Variants in SMYD3 observed in about 807,000 individuals in gnomAD.
SMYD3 encodes the protein histone-lysine N-methyltransferase SMYD3.
In SMYD3, 36 loss-of-function variants were observed where a neutral mutation model predicts 57.7. The ratio of observed to expected loss-of-function variants is 0.62; its 90% CI spans 0.48 to 0.82. SMYD3 has a LOEUF of 0.82. SMYD3 is among the 40% of genes least tolerant of loss of function. The probability of loss-of-function intolerance (pLI) is 0.00; values close to 1 mark genes in which losing one functional copy is unlikely to be tolerated. For missense variants in SMYD3, 515 were observed against 538.8 expected (o/e 0.96, Z 0.44); for synonymous variants, 211 against 195.0 (o/e 1.08, Z -0.68).
chr1:245,882,087 C>T (rs900198182), intron 8 of SMYD3, among the ~76,000 whole-genome samples: 1 of 152,162 alleles, frequency 6.6e-6, no homozygotes, highest in Non-Finnish European at 1.5e-5. Flanking sequence ...AACTAAATTC[C>T]AAGACAACAG....
At chr1:245,999,062 T>C (rs1420618974) in intron 5 of SMYD3, among the ~76,000 whole-genome samples, 2 of 151,880 alleles carry the variant, frequency 1.3e-5, no homozygotes, top group Admixed American at 6.6e-5. Context: ...AACTTAGAAA[T>C]AGATATGGTG....
intron 10 of SMYD3, among the ~76,000 whole-genome samples, chr1:245,772,545 C>T (rs1294499789): frequency 1.3e-5 from 2 of 152,070 alleles, no homozygotes; most frequent in Non-Finnish European, 2.9e-5. Flanking sequence ...CAGCTGTGGT[C>T]CCAGCTGCTT....
In SMYD3 at chr1:245,861,730, C is replaced by T. The variant is rs941266085; in HGVS notation, c.901+2069G>A. On this transcript the variant is annotated intron_variant, in intron 9 of 11. Transcript: ENST00000490107. ...CTCCCAGACGCAGCTCACTGGTCAC[C>T]TCCTCTGTGAAATCTTTCAACTTCC... 2.6e-5 allele frequency among the ~76,000 whole-genome samples: 4 copies of T among 152,220 alleles called. No individual in the cohort carries two copies. In the East Asian group the frequency reaches 7.7e-4, roughly 29 times the overall value.
Position 245,867,385 on chromosome 1 carries a change from T to C in SMYD3, c.814-3499A>G, listed in dbSNP as rs1452259416. 2.0e-5 allele frequency among the ~76,000 whole-genome samples: 3 copies of C among 152,236 alleles called. No homozygotes were observed. In the East Asian group the frequency reaches 5.8e-4, roughly 29 times the overall value. ...GAGTTGTTTTGAGATGCTATATTTA[T>C]GATCAATTGTTACAGCAGCCACAGA... is the stretch of plus-strand genomic sequence containing the variant. On this transcript the variant is annotated intron_variant, in intron 8 of 11. Coordinates refer to ENST00000490107, the MANE Select transcript of SMYD3 (RefSeq NM_001167740.2).
chr1:246,070,573 A>G (rs995049019), intron 5 of SMYD3, among the ~76,000 whole-genome samples: 6 of 152,186 alleles, frequency 3.9e-5, no homozygotes, highest in Non-Finnish European at 8.8e-5. Flanking sequence ...GTACCCAGAG[A>G]TGGGCCCCAA....
intron 6 of SMYD3, among the ~76,000 whole-genome samples, chr1:245,928,755 C>G (rs897543788): frequency 6.6e-6 from 1 of 152,170 alleles, no homozygotes; most frequent in Non-Finnish European, 1.5e-5. Context: ...ATTTGTTGAG[C>G]TCCTTTGGAG....
chr1:245,855,202 C>T (rs376054716), intron 10 of SMYD3, among the ~76,000 whole-genome samples: 8 of 152,296 alleles, frequency 5.3e-5, no homozygotes, highest in South Asian at 2.1e-4. Flanking sequence ...CGGAAACACC[C>T]TCTATATCTC....
At chr1:246,074,371 A>G (rs955741096) in intron 5 of SMYD3, among the ~76,000 whole-genome samples, 2 of 151,660 alleles carry the variant, frequency 1.3e-5, no homozygotes, top group East Asian at 4.0e-4. Flanking sequence ...AAATTAAAAA[A>G]AAAAAACAAA....
At chr1:246,006,006 C>A (rs562532541) in intron 5 of SMYD3, among the ~76,000 whole-genome samples, 10 of 141,034 alleles carry the variant, frequency 7.1e-5, no homozygotes, top group African/African-American at 2.5e-4. Context: ...TTTATATACT[C>A]CGAAGACAGC....
At chr1:245,750,242 T>C (rs934514903) in intron 11 of SMYD3, among the ~76,000 whole-genome samples, 1 of 152,192 alleles carries the variant, frequency 6.6e-6, no homozygotes, top group Non-Finnish European at 1.5e-5. Context: ...TAATAGAGTA[T>C]AATAGAAGTA....
At chr1:246,436,898 TTC>T (rs1491109794) in intron 1 of SMYD3, among the ~76,000 whole-genome samples, 2 of 117,710 alleles carry the variant, frequency 1.7e-5, no homozygotes, top group African/African-American at 3.5e-5. Context: ...CAGAGTTTCT[TTC>T]TTTTTTTTTT....
At chr1:245,948,101 C>T (rs1216874995) in intron 5 of SMYD3, among the ~76,000 whole-genome samples, 4 of 152,286 alleles carry the variant, frequency 2.6e-5, no homozygotes, top group South Asian at 2.1e-4. Flanking sequence ...CCTCATCCTT[C>T]ACCACCCTCG....
chr1:246,457,564 G>GA (rs2067722314), intron 1 of SMYD3, among the ~76,000 whole-genome samples: 1 of 134,596 alleles, frequency 7.4e-6, no homozygotes, highest in African/African-American at 2.7e-5. Context: ...GAAAAGAAAA[G>GA]AAAAGAAAAG....
chr1:246,391,850 C>T (rs376023305), intron 1 of SMYD3, among the ~76,000 whole-genome samples: 1 of 152,184 alleles, frequency 6.6e-6, no homozygotes, highest in Non-Finnish European at 1.5e-5. Context: ...CCTATCAGCA[C>T]AACCCATGGC....
rs574831229 is a variant in SMYD3, at chr1:246,341,506, C to T, written c.229-6032G>A. On this transcript the variant is annotated intron_variant, in intron 2 of 11. Coordinates refer to ENST00000490107, the MANE Select transcript of SMYD3 (RefSeq NM_001167740.2). ...TTCAATACATATTTTATGATTTATT[C>T]TAAAACCAGTACCATTCAGGGGGTA... is the stretch of plus-strand genomic sequence containing the variant. 2.6e-4 allele frequency among the ~76,000 whole-genome samples: 39 copies of T among 152,006 alleles called. 1 individual carries two copies. Among genetic ancestry groups the T allele is most frequent in the Non-Finnish European group, 4.9e-4 (33 of 67,996 alleles).
chr1:246,037,628 C>T (rs918343741), intron 5 of SMYD3, among the ~76,000 whole-genome samples: 21 of 152,206 alleles, frequency 1.4e-4, no homozygotes, highest in Non-Finnish European at 3.1e-4. Context: ...TGCCTTCAAT[C>T]CCAGGGATAG....
intron 5 of SMYD3, among the ~76,000 whole-genome samples, chr1:246,269,035 C>T (rs887447715): frequency 8.5e-5 from 13 of 152,110 alleles, no homozygotes; most frequent in Middle Eastern, 3.2e-3. Context: ...ATAATAAGCA[C>T]GTAACTGAAT....
chr1:246,272,738 T>C (rs2064246174), intron 5 of SMYD3, among the ~76,000 whole-genome samples: 1 of 152,218 alleles, frequency 6.6e-6, no homozygotes, highest in Non-Finnish European at 1.5e-5. Context: ...TACTGGTTTG[T>C]AGTTTTCTTT....
At chr1:246,499,401 TACACAC>T (rs74163453) in intron 1 of SMYD3, among the ~76,000 whole-genome samples, 60,770 of 145,638 alleles carry the variant, frequency 0.42, 13,873 homozygotes, top group East Asian at 0.7. Flanking sequence ...CCATCAAATA[TACACAC>T]ACACACACAC....
Sources: allele counts gnomAD v4.1 joint callset (sites outside exome capture counted in the v4.1 genomes callset), GRCh38; gene constraint gnomAD v4.1.1; transcripts MANE v1.5; gene names NCBI Gene and HGNC (gene_info 2026-07-23, HGNC 2026-07-21).